The following NUP210L variants were observed in gnomAD, a reference collection of about 807,000 sequenced individuals.
NUP210L encodes the protein nucleoporin 210 like, also known as nuclear pore membrane glycoprotein 210-like.
Under a neutral mutation model 208.5 loss-of-function variants are expected in NUP210L, and 74 were observed. That is an observed-to-expected ratio of 0.35 (90% CI 0.29 to 0.43). The LOEUF (loss-of-function observed/expected upper bound fraction) is 0.43, where lower values mean the gene tolerates loss of function less well. NUP210L is among the 20% of genes least tolerant of loss of function. The pLI is 1.00. For synonymous variants in NUP210L, 780 were observed against 816.9 expected, an observed-to-expected ratio of 0.95 and a Z score of 0.77; for missense variants, 1,843 against 2,289.4, an observed-to-expected ratio of 0.81 and a Z score of 3.98.
At chr1:154,072,782 A>G (rs1055829186) in intron 16 of NUP210L, among the ~76,000 whole-genome samples, 1 of 152,224 alleles carries the variant, frequency 6.6e-6, no homozygotes, top group South Asian at 2.1e-4. Context: ...GAGATGGATC[A>G]AGGACTAAAA....
intron 16 of NUP210L, among the ~76,000 whole-genome samples, chr1:154,072,942 GC>G (rs1398485327): frequency 2.0e-5 from 3 of 152,198 alleles, no homozygotes; most frequent in Non-Finnish European, 4.4e-5. Context: ...AAACTAAAGA[GC>G]TTTTGCGCAG....
At chr1:154,111,990 C>T (rs912323382) in intron 12 of NUP210L, among the ~76,000 whole-genome samples, 3 of 151,422 alleles carry the variant, frequency 2.0e-5, no homozygotes, top group Admixed American at 6.6e-5. Context: ...TGCAATGGCG[C>T]GATCTCAGCT....
At chr1:154,036,138 C>T (rs907005612) in intron 27 of NUP210L, among the ~76,000 whole-genome samples, 1 of 151,784 alleles carries the variant, frequency 6.6e-6, no homozygotes, top group African/African-American at 2.4e-5. Flanking sequence ...ATTCATTGAC[C>T]CACTGGTCAT....
intron 37 of NUP210L, among the ~76,000 whole-genome samples, chr1:153,997,853 CTATTTTTATT>C (rs1028971507): frequency 4.6e-5 from 7 of 151,660 alleles, no homozygotes; most frequent in African/African-American, 7.2e-5. Context: ...CTACACCTGG[CTATTTTTATT>C]TATTTTTATT....
intron 34 of NUP210L, among the ~76,000 whole-genome samples, 175 bp from the exon 35 acceptor site, chr1:154,010,296 C>T (rs1435750106): frequency 6.6e-6 from 1 of 152,178 alleles, no homozygotes; most frequent in African/African-American, 2.4e-5. Context: ...GTGAGACCCT[C>T]GCATTCTAAT....
At chr1:154,151,915 C>G (rs987965363) in intron 2 of NUP210L, among the ~76,000 whole-genome samples, 5 of 151,524 alleles carry the variant, frequency 3.3e-5, no homozygotes, top group African/African-American at 1.2e-4. Context: ...ATGGAGAAAC[C>G]CCCTTTCTAC....
chr1:154,131,896 C>G (rs1571311726), intron 7 of NUP210L, among the ~76,000 whole-genome samples: 1 of 152,122 alleles, frequency 6.6e-6, no homozygotes, highest in African/African-American at 2.4e-5. Flanking sequence ...CTTCTGCCTC[C>G]TAGGTTCATG....
At chr1:154,044,230 AC>A (rs1229997867) in intron 27 of NUP210L, among the ~76,000 whole-genome samples, 1 of 151,386 alleles carries the variant, frequency 6.6e-6, no homozygotes, top group Admixed American at 6.6e-5. Context: ...ACATGGTGAA[AC>A]CCCGTCTCTA....
chr1:153,992,939 G>C lies in NUP210L; in HGVS notation c.5567-4C>G, dbSNP rs373742609. 6.2e-6 allele frequency: 10 copies of C among 1,610,024 alleles called. No individual in the cohort carries two copies. The African/African-American group carries it at 1.1e-4, about 17-fold the overall frequency. On this transcript the variant is annotated splice_polypyrimidine_tract_variant and splice_region_variant and intron_variant, in intron 39 of 39. Coordinates refer to ENST00000368559, the Ensembl canonical transcript of NUP210L. ...GAACTTGTGGAGTTAAAAAAACCTA[G>C]AAGAAGAGGGAAAAGTTGAGTGAAT... is the stretch of plus-strand genomic sequence containing the variant.
chr1:154,083,671 T>A (rs573502834), intron 16 of NUP210L, among the ~76,000 whole-genome samples: 1 of 152,234 alleles, frequency 6.6e-6, no homozygotes, highest in East Asian at 1.9e-4. Context: ...AGAAGTCTTC[T>A]TTTTTCTTCT....
chr1:154,125,672 A>G lies in NUP210L; in HGVS notation c.1326+651T>C, dbSNP rs1432876022. 7.7e-3 allele frequency among the ~76,000 whole-genome samples: 24 copies of G among 3,110 alleles called. 1 individual carries two copies. The highest frequency in any genetic ancestry group is 0.015 in the African/African-American group (22 of 1,482). The allele number at this position is 3,110 out of a possible 152,430, so 2.0% of individuals were successfully genotyped here. A position where few individuals can be genotyped will look rare whatever the true frequency, so the allele number is the denominator to read the frequency against. ...AAGGAAGGAAGGAAGGAAGGAAGGA[A>G]GGAAGGAAGGAAGGAAGGAAGGAAG... On this transcript the variant is annotated intron_variant, in intron 10 of 39. Transcript: ENST00000368559.
chr1:154,146,637 A>G (rs1475604285), intron 2 of NUP210L, among the ~76,000 whole-genome samples: 1 of 92,634 alleles, frequency 1.1e-5, no homozygotes, highest in East Asian at 3.6e-4. Context: ...CCACCAAAAA[A>G]AGAGCATCAC....
intron 12 of NUP210L, among the ~76,000 whole-genome samples, chr1:154,110,430 C>T (rs1217175495): frequency 6.6e-6 from 1 of 150,774 alleles, no homozygotes; most frequent in Non-Finnish European, 1.5e-5. Flanking sequence ...CGCCACCATG[C>T]CTGGCTAATT....
intron 16 of NUP210L, among the ~76,000 whole-genome samples, chr1:154,089,011 G>A (rs1254510396): frequency 6.6e-6 from 1 of 152,072 alleles, no homozygotes; most frequent in Non-Finnish European, 1.5e-5. Context: ...AAAAGATTTG[G>A]TAGCGAAGGA....
intron 38 of NUP210L, 29 bp downstream of exon 38, chr1:153,995,047 G>T: frequency 2.3e-5 from 29 of 1,263,112 alleles, no homozygotes; most frequent in Middle Eastern, 1.9e-4. Flanking sequence ...TCATGTCAAA[G>T]TCTATGTTAT....
intron 15 of NUP210L, among the ~76,000 whole-genome samples, chr1:154,094,147 G>C (rs1656069671): frequency 6.6e-6 from 1 of 152,182 alleles, no homozygotes; most frequent in Admixed American, 6.6e-5. Flanking sequence ...GCCAGGCGTG[G>C]TGGCGTGCAC....
In NUP210L at chr1:154,069,335, TAAAC is replaced by T. The variant is rs1300147843; in HGVS notation, c.2554+934_2554+937del. On this transcript the variant is annotated intron_variant, in intron 17 of 39. Coordinates refer to ENST00000368559, the Ensembl canonical transcript of NUP210L. ...TAATATCCAGAATCCACAAAGAACT[TAAAC>T]AAATTTACAAGAAAAAAATCAAACA... Among the ~76,000 whole-genome samples, 11 of 152,078 alleles carry T rather than the reference TAAAC, an allele frequency of 7.2e-5. No individual in the cohort carries two copies. The South Asian group carries it at 1.9e-3, about 26-fold the overall frequency.
At chr1:154,082,355 A>C (rs112492938) in intron 16 of NUP210L, among the ~76,000 whole-genome samples, 409 of 152,340 alleles carry the variant, frequency 2.7e-3, no homozygotes, top group African/African-American at 9.1e-3. Flanking sequence ...CCAAAGGTCA[A>C]TCTATTAAAA....
Position 154,089,902 on chromosome 1 carries a change from C to A in NUP210L, c.2188-308G>T, listed in dbSNP as rs541097674. On this transcript the variant is annotated intron_variant, in intron 15 of 39. Transcript: ENST00000368559. ...AGTTCAAGACCATCACATAGTAAGA[C>A]CCCATCTCTACAAAAAATCTAAAAA... Among the ~76,000 whole-genome samples, 5 of 152,054 alleles carry A rather than the reference C, an allele frequency of 3.3e-5. No homozygotes were observed. The South Asian group carries it at 8.3e-4, about 25-fold the overall frequency.
Sources: gnomAD v4.1 joint callset for allele counts (sites outside exome capture counted in the v4.1 genomes callset) on GRCh38, gnomAD v4.1.1 for gene constraint, MANE v1.5 for transcripts, NCBI Gene and HGNC (gene_info 2026-07-23, HGNC 2026-07-21) for gene names.